The following ALPK2 variants were observed in gnomAD, a reference collection of about 807,000 sequenced individuals.
ALPK2 encodes alpha-protein kinase 2.
Under a neutral mutation model 163.1 loss-of-function variants are expected in ALPK2, and 127 were observed. That is an observed-to-expected ratio of 0.78 (90% CI 0.67 to 0.90). The LOEUF is 0.90. ALPK2 is among the 40% of genes least tolerant of loss of function. The pLI is 0.00. For missense variants in ALPK2, 2,360 were observed against 2,589.6 expected, an observed-to-expected ratio of 0.91 and a Z score of 1.92; for synonymous variants, 953 against 959.1, an observed-to-expected ratio of 0.99 and a Z score of 0.12.
At chr18:58,577,604 A>G in intron 4 of ALPK2, among the ~76,000 whole-genome samples, 1 of 152,168 alleles carries the variant, frequency 6.6e-6, no homozygotes, top group East Asian at 1.9e-4. Flanking sequence ...GTGAGCTGCT[A>G]AGAGACATGT....
intron 12 of ALPK2, among the ~76,000 whole-genome samples, chr18:58,483,527 CACTTTATTTATT>C (rs202222468): frequency 0.012 from 1,267 of 107,728 alleles, 3 homozygotes; most frequent in Non-Finnish European, 0.017. Context: ...AAGTCCTACT[CACTTTATTTATT>C]TATTTATTTA....
At position 58,536,119 on chromosome 18, in the gene ALPK2, T is replaced by C. The variant is rs1308433723; in HGVS notation, c.4068A>G (p.Ser1356=). ...VDEKELSVTD[S]LSAASETGGK... is the part of the protein sequence containing the mutation. ...CTCCAGTTTCAGAAGCCGCTGACAG[T>C]GAATCTGTGACAGATAACTCCTTTT... Residue 1356 remains serine (S), a synonymous_variant, in exon 5 of 13, where the codon TCA becomes TCG. Transcript: ENST00000361673. The C allele has an allele frequency of 1.2e-6, 2 of 1,614,044 alleles. No individual in the cohort carries two copies. The highest frequency in any genetic ancestry group is 4.5e-5 in the East Asian group (2 of 44,894).
chr18:58,603,415 A>G (rs772656787), intron 3 of ALPK2, among the ~76,000 whole-genome samples: 4 of 152,174 alleles, frequency 2.6e-5, no homozygotes, highest in African/African-American at 7.2e-5. Context: ...CCGGTGCTCT[A>G]TGGACCTGTC....
At chr18:58,486,005 C>T (rs1477056922) in intron 12 of ALPK2, among the ~76,000 whole-genome samples, 1 of 152,230 alleles carries the variant, frequency 6.6e-6, no homozygotes, top group Non-Finnish European at 1.5e-5. Flanking sequence ...ATCACCACTT[C>T]GTCCTGAAGC....
At chr18:58,613,342 G>A (rs1032747956) in intron 1 of ALPK2, among the ~76,000 whole-genome samples, 5 of 152,090 alleles carry the variant, frequency 3.3e-5, no homozygotes, top group Non-Finnish European at 4.4e-5. Flanking sequence ...GAAAATGAGG[G>A]GTTCTTTGTG....
intron 1 of ALPK2, among the ~76,000 whole-genome samples, chr18:58,613,166 C>T (rs986509879): frequency 3.9e-5 from 6 of 152,136 alleles, no homozygotes; most frequent in Non-Finnish European, 7.4e-5. Context: ...CCCTGAGAGA[C>T]GAGTTCCCCG....
intron 4 of ALPK2, among the ~76,000 whole-genome samples, chr18:58,576,331 A>G (rs7243913): frequency 0.16 from 24,406 of 152,112 alleles, 2,164 homozygotes; most frequent in African/African-American, 0.22. Flanking sequence ...CCGAGATCGT[A>G]CCATTGCTCC....
At chr18:58,585,630 C>T (rs1015691208) in intron 3 of ALPK2, among the ~76,000 whole-genome samples, 4 of 150,034 alleles carry the variant, frequency 2.7e-5, no homozygotes, top group Non-Finnish European at 4.4e-5. Flanking sequence ...TCTGAAACCA[C>T]ATCAGTGAAC....
chr18:58,571,975 CAAAAAA>C (rs35927788), intron 4 of ALPK2, among the ~76,000 whole-genome samples: 1 of 66,638 alleles, frequency 1.5e-5, no homozygotes, highest in Non-Finnish European at 2.6e-5. Context: ...GACTCCATCT[CAAAAAA>C]AAAAAAAAAA....
intron 1 of ALPK2, among the ~76,000 whole-genome samples, chr18:58,615,101 A>G (rs1228888382): frequency 1.3e-5 from 2 of 152,102 alleles, no homozygotes; most frequent in African/African-American, 4.8e-5. Context: ...GGCAGAAGAC[A>G]CAGAGCCCGG....
chr18:58,609,503 G>A (rs556425061), intron 2 of ALPK2, among the ~76,000 whole-genome samples: 6 of 152,140 alleles, frequency 3.9e-5, no homozygotes, highest in Non-Finnish European at 7.3e-5. Context: ...AAATATTCAT[G>A]AGCTGGGCCT....
intron 3 of ALPK2, among the ~76,000 whole-genome samples, chr18:58,581,648 C>T (rs2051959753): frequency 6.6e-6 from 1 of 152,188 alleles, no homozygotes; most frequent in Admixed American, 6.5e-5. Flanking sequence ...CACTGCAATC[C>T]CAGTAAAAAC....
chr18:58,564,338 T>C (rs1035318698), intron 4 of ALPK2, among the ~76,000 whole-genome samples: 2 of 151,858 alleles, frequency 1.3e-5, no homozygotes, highest in African/African-American at 4.8e-5. Flanking sequence ...GTCAGGCTGG[T>C]CTCCAACTCC....
intron 3 of ALPK2, among the ~76,000 whole-genome samples, chr18:58,589,907 A>G (rs1304601997): frequency 6.6e-6 from 1 of 152,234 alleles, no homozygotes; most frequent in Non-Finnish European, 1.5e-5. Flanking sequence ...AAGCTGAAGT[A>G]TTGGCTAGAG....
chr18:58,501,930 C>A (rs950850549), intron 11 of ALPK2, among the ~76,000 whole-genome samples: 1 of 152,040 alleles, frequency 6.6e-6, no homozygotes, highest in African/African-American at 2.4e-5. Context: ...TGAGATGTCA[C>A]CATTAGGTGA....
chr18:58,586,547 C>T (rs2051987584), intron 3 of ALPK2, among the ~76,000 whole-genome samples: 1 of 152,104 alleles, frequency 6.6e-6, no homozygotes, highest in Non-Finnish European at 1.5e-5. Flanking sequence ...AACCAAGACT[C>T]CACAACCACA....
At chr18:58,487,661 C>G (rs1288031659) in intron 12 of ALPK2, among the ~76,000 whole-genome samples, 1 of 152,120 alleles carries the variant, frequency 6.6e-6, no homozygotes, top group Non-Finnish European at 1.5e-5. Context: ...TTTAGCCTAT[C>G]TCTTTATGTG....
At chr18:58,550,470 CCATCATA>C in intron 4 of ALPK2, among the ~76,000 whole-genome samples, 1 of 87,604 alleles carries the variant, frequency 1.1e-5, no homozygotes, top group Admixed American at 1.3e-4. Flanking sequence ...ATCCCCATCT[CCATCATA>C]TATGACTCTA....
At chr18:58,573,799 C>T (rs1302834540) in intron 4 of ALPK2, among the ~76,000 whole-genome samples, 3 of 151,768 alleles carry the variant, frequency 2.0e-5, no homozygotes, top group Middle Eastern at 3.2e-3. Flanking sequence ...GAATGTCATG[C>T]GTTGCTCTGA....
Sources: allele counts gnomAD v4.1 joint callset (sites outside exome capture counted in the v4.1 genomes callset), GRCh38; gene constraint gnomAD v4.1.1; transcripts MANE v1.5; gene names NCBI Gene and HGNC (gene_info 2026-07-23, HGNC 2026-07-21).